Variants in PTGFR observed in about 807,000 individuals in gnomAD.
PTGFR encodes the protein prostaglandin F2-alpha receptor.
PTGFR carries 15 observed loss-of-function variants against 26.2 expected under a neutral mutation model. That is an observed-to-expected ratio of 0.57 (90% CI 0.38 to 0.88). PTGFR has a LOEUF of 0.88. Among genes scored for constraint, PTGFR ranks in the 40% least tolerant of loss-of-function variants. The pLI, the probability that PTGFR is intolerant of heterozygous loss-of-function variation, is 0.00. For synonymous variants in PTGFR, 165 were observed against 151.1 expected (o/e 1.09, Z -0.68); for missense variants, 369 against 427.2 (o/e 0.86, Z 1.20).
intron 2 of PTGFR, among the ~76,000 whole-genome samples, chr1:78,517,475 G>C (rs749518741): frequency 6.6e-6 from 1 of 152,136 alleles, no homozygotes; most frequent in Non-Finnish European, 1.5e-5. Flanking sequence ...TTTTAGATTA[G>C]ATATTCAAGG....
At chr1:78,504,639 AGAT>A (rs1232168813) in intron 2 of PTGFR, among the ~76,000 whole-genome samples, 1 of 152,150 alleles carries the variant, frequency 6.6e-6, no homozygotes, top group Non-Finnish European at 1.5e-5. Context: ...TCTCAGGCTG[AGAT>A]GATATCAGTA....
intron 2 of PTGFR, among the ~76,000 whole-genome samples, chr1:78,494,591 G>A (rs186534931): frequency 3.3e-5 from 5 of 151,854 alleles, no homozygotes; most frequent in Non-Finnish European, 5.9e-5. Flanking sequence ...ATTGTTGCTA[G>A]TGCAGGTTTT....
At chr1:78,498,304 C>T (rs982781245) in intron 2 of PTGFR, among the ~76,000 whole-genome samples, 10 of 152,064 alleles carry the variant, frequency 6.6e-5, no homozygotes, top group African/African-American at 2.2e-4. Context: ...GCACTTGCCT[C>T]AATACCCAAA....
intron 2 of PTGFR, among the ~76,000 whole-genome samples, chr1:78,531,723 T>A (rs1466540224): frequency 6.6e-6 from 1 of 152,108 alleles, no homozygotes; most frequent in African/African-American, 2.4e-5. Flanking sequence ...CTGTTAACCC[T>A]CCTAACTCCT....
Position 78,536,798 on chromosome 1 carries a change from T to A in PTGFR, c.*111T>A. On this transcript the variant is annotated 3_prime_UTR_variant, in exon 3 of 3. Coordinates refer to ENST00000370757, the MANE Select transcript of PTGFR (RefSeq NM_000959.4). ...TAACTGGAAAATTCAGGCTTCATCA[T>A]GTAGTTTGAAGATACTATTGTCAGA... 1 of 1,218,770 alleles carries A rather than the reference T, an allele frequency of 8.2e-7. No individual in the cohort carries two copies. Among genetic ancestry groups the A allele is most frequent in the Non-Finnish European group, 1.1e-6 (1 of 900,288 alleles). The allele number at this position is 1,218,770 out of a possible 1,614,324, so 75.5% of individuals were successfully genotyped here. A position where few individuals can be genotyped will look rare whatever the true frequency, so the allele number is the denominator to read the frequency against.
intron 2 of PTGFR, among the ~76,000 whole-genome samples, chr1:78,523,659 A>G (rs1015527061): frequency 1.3e-5 from 2 of 152,154 alleles, no homozygotes; most frequent in African/African-American, 2.4e-5. Context: ...TTAACACTGC[A>G]ACAGAATTTT....
intron 2 of PTGFR, among the ~76,000 whole-genome samples, chr1:78,501,305 A>G (rs577307660): frequency 6.6e-6 from 1 of 152,262 alleles, no homozygotes; most frequent in East Asian, 1.9e-4. Context: ...ATTGTATTCC[A>G]TTTATATTTG....
At chr1:78,506,142 C>G (rs1649822998) in intron 2 of PTGFR, among the ~76,000 whole-genome samples, 1 of 152,142 alleles carries the variant, frequency 6.6e-6, no homozygotes. Flanking sequence ...ATTTTCCATT[C>G]CTAACAGCAA....
At chr1:78,496,283 T>C (rs1480539696) in intron 2 of PTGFR, among the ~76,000 whole-genome samples, 1 of 152,142 alleles carries the variant, frequency 6.6e-6, no homozygotes, top group African/African-American at 2.4e-5. Flanking sequence ...CTCACATATC[T>C]AGGAGGATTT....
At chr1:78,494,706 A>C (rs1031721353) in intron 2 of PTGFR, among the ~76,000 whole-genome samples, 1 of 152,196 alleles carries the variant, frequency 6.6e-6, no homozygotes, top group African/African-American at 2.4e-5. Context: ...CCCAGGTTCA[A>C]GCAATTCTCT....
chr1:78,512,955 T>C (rs1474807570), intron 2 of PTGFR, among the ~76,000 whole-genome samples: 1 of 152,174 alleles, frequency 6.6e-6, no homozygotes, highest in Non-Finnish European at 1.5e-5. Context: ...TTTATAACCG[T>C]ATGCTTCCTA....
At chr1:78,509,890 C>T (rs1649924449) in intron 2 of PTGFR, among the ~76,000 whole-genome samples, 1 of 152,196 alleles carries the variant, frequency 6.6e-6, no homozygotes, top group South Asian at 2.1e-4. Context: ...TATCAACACT[C>T]TCATCTTAAA....
At chr1:78,518,099 C>T (rs1443849771) in intron 2 of PTGFR, among the ~76,000 whole-genome samples, 1 of 152,064 alleles carries the variant, frequency 6.6e-6, no homozygotes, top group African/African-American at 2.4e-5. Context: ...GCACATTCTG[C>T]ACATGTATCC....
intron 2 of PTGFR, among the ~76,000 whole-genome samples, chr1:78,520,384 C>T (rs1650194765): frequency 6.6e-6 from 1 of 151,974 alleles, no homozygotes; most frequent in Non-Finnish European, 1.5e-5. Flanking sequence ...CGTATAACCA[C>T]AGAGAACGGG....
At chr1:78,504,775 T>C (rs1461727012) in intron 2 of PTGFR, among the ~76,000 whole-genome samples, 1 of 152,168 alleles carries the variant, frequency 6.6e-6, no homozygotes, top group African/African-American at 2.4e-5. Context: ...TATTGAATGG[T>C]TAGCCAGTTG....
At chr1:78,530,710 T>C (rs1650485644) in intron 2 of PTGFR, among the ~76,000 whole-genome samples, 1 of 152,192 alleles carries the variant, frequency 6.6e-6, no homozygotes, top group Non-Finnish European at 1.5e-5. Context: ...ATTAAAACAG[T>C]GCCTGAAACA....
rs1649386240 is a variant in PTGFR, at chr1:78,491,215, G to C, written c.-94G>C. The C allele has an allele frequency of 6.6e-6, 1 of 152,318 alleles. No individual in the cohort carries two copies. Among genetic ancestry groups the C allele is most frequent in the African/African-American group, 2.4e-5 (1 of 41,472 alleles). 9.4% of individuals were successfully genotyped at this position (152,318 alleles called of 1,614,324 possible). ...CGTCTTCTGCTCCTCAGAGAGCCCG[G>C]CTGGCGGCCTGGGATGACAAGGTAC... On this transcript the variant is annotated 5_prime_UTR_variant, in exon 1 of 3. Coordinates refer to ENST00000370757, the MANE Select transcript of PTGFR (RefSeq NM_000959.4).
Position 78,526,056 on chromosome 1 carries a change from C to T in PTGFR, c.799-10350C>T, listed in dbSNP as rs12066770. Among the ~76,000 whole-genome samples, 639 of 152,122 alleles carry T rather than the reference C, an allele frequency of 4.2e-3. 9 individuals are homozygous for T. The highest frequency in any genetic ancestry group is 0.015 in the African/African-American group (603 of 41,510). ...AGTTGATTTTGGTTGATTGCTGAGACTGGTTTGTACTAGACTTACAGTATG... is the reference window on the plus strand; with the variant it reads ...AGTTGATTTTGGTTGATTGCTGAGATTGGTTTGTACTAGACTTACAGTATG... On this transcript the variant is annotated intron_variant, in intron 2 of 2. Coordinates refer to ENST00000370757, the MANE Select transcript of PTGFR (RefSeq NM_000959.4).
chr1:78,495,749 A>C (rs1455181079), intron 2 of PTGFR, among the ~76,000 whole-genome samples: 1 of 152,178 alleles, frequency 6.6e-6, no homozygotes, highest in Non-Finnish European at 1.5e-5. Flanking sequence ...GCAAAATTTC[A>C]TACTCTTGGT....
Sources: gnomAD v4.1 joint callset for allele counts (sites outside exome capture counted in the v4.1 genomes callset) on GRCh38, gnomAD v4.1.1 for gene constraint, MANE v1.5 for transcripts, NCBI Gene and HGNC (gene_info 2026-07-23, HGNC 2026-07-21) for gene names.